Variants in PCDHA1 observed in about 807,000 individuals in gnomAD.
PCDHA1 encodes protocadherin alpha 1, also known as protocadherin alpha-1.
PCDHA1 carries 42 observed loss-of-function variants against 61.3 expected under a neutral mutation model. The observed-to-expected ratio is 0.69, with a 90% CI of 0.54 to 0.89. PCDHA1 has a LOEUF of 0.89. Ranked by LOEUF, PCDHA1 falls within the 40% of genes least tolerant of loss-of-function variation. The probability of loss-of-function intolerance (pLI) is 0.00; values close to 1 mark genes in which losing one functional copy is unlikely to be tolerated. For missense variants in PCDHA1, 1,256 were observed against 1,235.3 expected (o/e 1.02, Z -0.25); for synonymous variants, 610 against 553.8 (o/e 1.10, Z -1.43).
In PCDHA1 at chr5:140,821,707, G is replaced by C. The variant is rs2150110191; in HGVS notation, c.2394+33023G>C. The C allele has an allele frequency of 0.014, 19,650 of 1,440,044 alleles. 1,552 individuals are homozygous for C. The African/African-American group carries it at 0.2, about 15-fold the overall frequency. 89.2% of individuals were successfully genotyped at this position (1,440,044 alleles called of 1,614,324 possible). On this transcript the variant is annotated intron_variant, in intron 1 of 3. Coordinates refer to ENST00000504120, the MANE Select transcript of PCDHA1 (RefSeq NM_018900.4). ...TAATATAAAAAATATATAGTTAATT[G>C]GGAATTGAATTTACAAAATACATTG...
At chr5:140,836,666 G>T (rs1774663791) in intron 1 of PCDHA1, 1 of 1,613,284 alleles carries the variant, frequency 6.2e-7, no homozygotes, top group African/African-American at 1.3e-5. Context: ...TGTGCTCTGG[G>T]GAGGGCCCAC....
At chr5:140,837,457 C>T (rs1554136474) in intron 1 of PCDHA1, among the ~76,000 whole-genome samples, 2 of 151,816 alleles carry the variant, frequency 1.3e-5, no homozygotes, top group Non-Finnish European at 2.9e-5. Context: ...AAAAAATCTC[C>T]TTGCCTCCTC....
chr5:140,804,540 A>G (rs1554123091), intron 1 of PCDHA1: 1 of 152,188 alleles, frequency 6.6e-6, no homozygotes, highest in African/African-American at 2.4e-5. Context: ...TTTATTCATT[A>G]GTGTCTTTTG....
intron 1 of PCDHA1, among the ~76,000 whole-genome samples, chr5:140,976,181 A>G (rs1334452758): frequency 6.6e-6 from 1 of 152,208 alleles, no homozygotes; most frequent in Non-Finnish European, 1.5e-5. Flanking sequence ...ATTGTTTTAA[A>G]TCAATATCCT....
intron 1 of PCDHA1, chr5:140,866,524 A>G (rs1232306409): frequency 2.0e-5 from 3 of 152,186 alleles, no homozygotes; most frequent in Non-Finnish European, 2.9e-5. Context: ...AAGCCATGAT[A>G]GAGCAGAATT....
intron 1 of PCDHA1, among the ~76,000 whole-genome samples, chr5:140,890,753 C>A (rs1274674281): frequency 3.3e-5 from 5 of 152,114 alleles, no homozygotes; most frequent in Admixed American, 2.6e-4. Flanking sequence ...TTCTGTCATG[C>A]TTTAAAAATA....
intron 3 of PCDHA1, 57 bp downstream of exon 3, chr5:140,982,620 C>T: frequency 2.5e-6 from 4 of 1,588,470 alleles, no homozygotes. Flanking sequence ...ATCAGATGAC[C>T]TACTTTTGTA....
intron 1 of PCDHA1, chr5:140,809,437 C>T: frequency 6.2e-7 from 1 of 1,614,234 alleles, no homozygotes; most frequent in Non-Finnish European, 8.5e-7. Flanking sequence ...GCTGGTCATA[C>T]TCGCAGCAGA....
In PCDHA1 at chr5:140,929,377, C is replaced by G. The variant is rs1436728913; in HGVS notation, c.2395-49572C>G. 3 of 1,514,232 alleles carry G rather than the reference C, an allele frequency of 2.0e-6. No homozygotes were observed. In the African/African-American group the frequency reaches 4.2e-5, roughly 21 times the overall value. The allele number at this position is 1,514,232 out of a possible 1,614,324, so 93.8% of individuals were successfully genotyped here. Reference sequence around the variant, plus strand: ...CCTTTGGCCCGGAGATGGCTGCTAGCTGTGTTTTGAAATATTTCTTAGACA... The same window carrying G: ...CCTTTGGCCCGGAGATGGCTGCTAGGTGTGTTTTGAAATATTTCTTAGACA... On this transcript the variant is annotated intron_variant, in intron 1 of 3. Coordinates refer to ENST00000504120, the MANE Select transcript of PCDHA1 (RefSeq NM_018900.4).
intron 1 of PCDHA1, chr5:140,966,755 C>G: frequency 2.8e-6 from 4 of 1,434,520 alleles, no homozygotes; most frequent in Non-Finnish European, 1.8e-6. Flanking sequence ...GCCTCCGCCG[C>G]GGCCAGTGGC....
Position 141,010,037 on chromosome 5 carries a change from C to A in PCDHA1, c.*100C>A. The A allele has an allele frequency of 1.3e-6, 2 of 1,582,242 alleles. No individual in the cohort carries two copies. The highest frequency in any genetic ancestry group is 1.2e-5 in the South Asian group (1 of 84,630). On this transcript the variant is annotated 3_prime_UTR_variant, in exon 4 of 4. Transcript: ENST00000504120. ...GCTCCTTTTTCCTATCTACATGAGC[C>A]CTCTTAGAGACCTCAGAAATCTGCA...
At chr5:140,884,422 T>C (rs1470374467) in intron 1 of PCDHA1, 15 of 1,613,860 alleles carry the variant, frequency 9.3e-6, no homozygotes, top group Middle Eastern at 1.6e-4. Context: ...TGCTGCTGTA[T>C]ACTGCGCTGC....
intron 1 of PCDHA1, chr5:140,927,597 C>T (rs781933372): frequency 1.2e-6 from 2 of 1,614,200 alleles, no homozygotes; most frequent in South Asian, 1.1e-5. Context: ...TATTTGAGCG[C>T]TCCGTATACC....
chr5:140,903,431 A>G (rs1431018780), intron 1 of PCDHA1, among the ~76,000 whole-genome samples: 3 of 152,242 alleles, frequency 2.0e-5, no homozygotes, highest in South Asian at 2.1e-4. Context: ...CACAATATGT[A>G]TCAGTGGAAT....
intron 1 of PCDHA1, among the ~76,000 whole-genome samples, chr5:140,946,098 A>G (rs1249581075): frequency 6.6e-6 from 1 of 152,114 alleles, no homozygotes; most frequent in Non-Finnish European, 1.5e-5. Flanking sequence ...AGGAGTTAAC[A>G]TACCAAATAT....
intron 1 of PCDHA1, chr5:140,801,362 G>C (rs199783721): frequency 6.2e-7 from 1 of 1,613,322 alleles, no homozygotes; most frequent in East Asian, 2.2e-5. Flanking sequence ...TGGGGCTGGA[G>C]CTGGCGGAGC....
chr5:140,826,458 C>A (rs1001848895), intron 1 of PCDHA1, among the ~76,000 whole-genome samples: 2 of 152,138 alleles, frequency 1.3e-5, no homozygotes, highest in Admixed American at 6.5e-5. Flanking sequence ...GTGTCACAAT[C>A]ATCTGTGAGG....
chr5:140,797,505 C>A, intron 1 of PCDHA1: 1 of 888,150 alleles, frequency 1.1e-6, no homozygotes, highest in Non-Finnish European at 1.7e-6. Flanking sequence ...CAATTTATTG[C>A]ATTTACTGAA....
intron 3 of PCDHA1, among the ~76,000 whole-genome samples, chr5:140,992,706 G>T (rs1554253120): frequency 1.3e-5 from 2 of 152,138 alleles, no homozygotes; most frequent in Admixed American, 1.3e-4. Context: ...TAATGTTCCT[G>T]CCAGTATTCG....
Sources: gnomAD v4.1 joint callset for allele counts (sites outside exome capture counted in the v4.1 genomes callset) on GRCh38, gnomAD v4.1.1 for gene constraint, MANE v1.5 for transcripts, NCBI Gene and HGNC (gene_info 2026-07-23, HGNC 2026-07-21) for gene names.